DPYSL3: variants seen among roughly 807,000 people sequenced by gnomAD.
DPYSL3 encodes the protein dihydropyrimidinase-related protein 3.
DPYSL3 carries 16 observed loss-of-function variants against 66.1 expected under a neutral mutation model. That is an observed-to-expected ratio of 0.24 (90% CI 0.16 to 0.37). The LOEUF (loss-of-function observed/expected upper bound fraction) is 0.37, where lower values mean the gene tolerates loss of function less well. Ranked by LOEUF, DPYSL3 falls within the 10% of genes least tolerant of loss-of-function variation. The pLI is 1.00. For synonymous variants in DPYSL3, 338 were observed against 345.1 expected (o/e 0.98, Z 0.23); for missense variants, 738 against 916.2 (o/e 0.81, Z 2.51).
intron 1 of DPYSL3, among the ~76,000 whole-genome samples, chr5:147,477,037 C>T (rs923764039): frequency 3.3e-5 from 5 of 152,038 alleles, no homozygotes; most frequent in Non-Finnish European, 1.5e-5. Context: ...ACAATAAGTA[C>T]CCCCCAGTTC....
chr5:147,455,116 T>C lies in DPYSL3; in HGVS notation c.382-30153A>G, dbSNP rs1476636133. On this transcript the variant is annotated intron_variant, in intron 1 of 13. Coordinates refer to ENST00000343218, the MANE Select transcript of DPYSL3 (RefSeq NM_001197294.2). ...ACGTTTCCATAAGGCAGCCCACTGA[T>C]GGCAATTCTAGACATCTTGTCATTA... Among the ~76,000 whole-genome samples, 3 of 152,232 alleles carry C rather than the reference T, an allele frequency of 2.0e-5. No homozygotes were observed. In the East Asian group the frequency reaches 5.8e-4, roughly 29 times the overall value.
chr5:147,395,581 A>C lies in DPYSL3; in HGVS notation c.1944T>G (p.His648Gln), dbSNP rs768165929. The C allele has an allele frequency of 6.2e-7, 1 of 1,613,516 alleles. No individual in the cohort carries two copies. Among genetic ancestry groups the C allele is most frequent in the Non-Finnish European group, 8.5e-7 (1 of 1,179,820 alleles). The change falls in exon 13 of 14, where the codon CAT (histidine) becomes CAG (glutamine). Residue 648 changes from histidine (H) to glutamine (Q), a missense_variant. Physicochemically the swap from His to Gln is conservative, Grantham distance 24. Coordinates refer to ENST00000343218, the MANE Select transcript of DPYSL3 (RefSeq NM_001197294.2). ...CACCTGACAGGCTAAATCCCGACTGATGAAGATTCCTCACAGGTGGGTTCG... is the reference window on the plus strand; with the variant it reads ...CACCTGACAGGCTAAATCCCGACTGCTGAAGATTCCTCACAGGTGGGTTCG... ...TRPNPPVRNLHQSGFSLSGTQ... is the reference protein window; with the variant it reads ...TRPNPPVRNLQQSGFSLSGTQ...
intron 2 of DPYSL3, among the ~76,000 whole-genome samples, chr5:147,423,349 T>G (rs1251266128): frequency 6.6e-6 from 1 of 152,220 alleles, no homozygotes; most frequent in Non-Finnish European, 1.5e-5. Context: ...ACTCACTCAT[T>G]CATTCAATGT....
At chr5:147,434,700 T>C (rs368634231) in intron 1 of DPYSL3, among the ~76,000 whole-genome samples, 3 of 126,428 alleles carry the variant, frequency 2.4e-5, no homozygotes, top group African/African-American at 3.1e-5. Flanking sequence ...AGTAAAACTA[T>C]AGAAAGACAG....
At chr5:147,462,301 T>C (rs1349060497) in intron 1 of DPYSL3, among the ~76,000 whole-genome samples, 3 of 152,176 alleles carry the variant, frequency 2.0e-5, no homozygotes, top group Non-Finnish European at 4.4e-5. Flanking sequence ...GCTATGTTAA[T>C]TATCCTTTCC....
intron 4 of DPYSL3, 47 bp downstream of exon 4, chr5:147,415,662 G>T: frequency 1.3e-6 from 2 of 1,592,836 alleles, no homozygotes; most frequent in Middle Eastern, 1.8e-4. Flanking sequence ...GGAAGGACTG[G>T]CAAGAAGAAG....
At chr5:147,489,857 T>C (rs1468192640) in intron 1 of DPYSL3, among the ~76,000 whole-genome samples, 3 of 152,064 alleles carry the variant, frequency 2.0e-5, no homozygotes, top group Non-Finnish European at 2.9e-5. Context: ...TGGATACAAT[T>C]TTCATTATTT....
chr5:147,493,658 T>G (rs1013089527), intron 1 of DPYSL3, among the ~76,000 whole-genome samples: 2 of 152,102 alleles, frequency 1.3e-5, no homozygotes, highest in South Asian at 4.2e-4. Flanking sequence ...TTAATAAGAT[T>G]AATAAAGACA....
chr5:147,448,287 A>G (rs1477568031), intron 1 of DPYSL3, among the ~76,000 whole-genome samples: 1 of 152,188 alleles, frequency 6.6e-6, no homozygotes, highest in Non-Finnish European at 1.5e-5. Context: ...AATGCCCTCT[A>G]TTCAGGTTAA....
chr5:147,441,340 C>A (rs571669701), intron 1 of DPYSL3, among the ~76,000 whole-genome samples: 1 of 152,282 alleles, frequency 6.6e-6, no homozygotes, highest in Non-Finnish European at 1.5e-5. Flanking sequence ...AGATCAAACT[C>A]CCCTAATCCT....
intron 7 of DPYSL3, 117 bp from the exon 8 acceptor site, chr5:147,405,847 G>T: frequency 7.2e-7 from 1 of 1,389,022 alleles, no homozygotes; most frequent in Non-Finnish European, 9.7e-7. Flanking sequence ...AATTTTGGCA[G>T]GATCTGGAAT....
chr5:147,476,407 A>G (rs570593234), intron 1 of DPYSL3, among the ~76,000 whole-genome samples: 3 of 152,308 alleles, frequency 2.0e-5, no homozygotes, highest in South Asian at 2.1e-4. Flanking sequence ...AGTTCTTCCA[A>G]TGCAAAATAT....
At chr5:147,425,927 G>C (rs1752187455) in intron 1 of DPYSL3, among the ~76,000 whole-genome samples, 1 of 151,980 alleles carries the variant, frequency 6.6e-6, no homozygotes, top group Non-Finnish European at 1.5e-5. Flanking sequence ...GCTGAGTGTA[G>C]CTACAGCATG....
chr5:147,492,052 G>A (rs1244166386), intron 1 of DPYSL3, among the ~76,000 whole-genome samples: 2 of 151,936 alleles, frequency 1.3e-5, no homozygotes, highest in African/African-American at 4.8e-5. Context: ...AAGCCATAGG[G>A]GGGGAAATAC....
chr5:147,508,448 C>A (rs999232640), intron 1 of DPYSL3, among the ~76,000 whole-genome samples: 3 of 152,186 alleles, frequency 2.0e-5, no homozygotes, highest in Non-Finnish European at 4.4e-5. Flanking sequence ...ATAATACATG[C>A]GGATGGATTT....
At chr5:147,394,695 G>T (rs1487356460) in intron 13 of DPYSL3, among the ~76,000 whole-genome samples, 1 of 150,902 alleles carries the variant, frequency 6.6e-6, no homozygotes, top group Non-Finnish European at 1.5e-5. Flanking sequence ...AAAAAAAAAG[G>T]CAAAAACTTT....
At chr5:147,495,142 G>A (rs1000858603) in intron 1 of DPYSL3, among the ~76,000 whole-genome samples, 1 of 152,148 alleles carries the variant, frequency 6.6e-6, no homozygotes, top group African/African-American at 2.4e-5. Context: ...AGTAAATTAT[G>A]CCGATTCTCT....
In DPYSL3 at chr5:147,443,857, T is replaced by C. The variant is rs909354988; in HGVS notation, c.382-18894A>G. 2.6e-5 allele frequency among the ~76,000 whole-genome samples: 4 copies of C among 152,074 alleles called. No individual in the cohort carries two copies. The South Asian group carries it at 8.3e-4, about 31-fold the overall frequency. The stretch of plus-strand genomic sequence containing the variant: ...GAATCTCCCTGGCAAGTTGTTTGTG[T>C]AAGTATAACAGTGTGGAGCAGCTTT... On this transcript the variant is annotated intron_variant, in intron 1 of 13. Coordinates refer to ENST00000343218, the MANE Select transcript of DPYSL3 (RefSeq NM_001197294.2).
At chr5:147,395,029 T>C (rs3805535) in intron 13 of DPYSL3, among the ~76,000 whole-genome samples, 30,808 of 152,168 alleles carry the variant, frequency 0.2, 3,542 homozygotes, top group African/African-American at 0.3. Context: ...TCGTAAAGAA[T>C]AGGTAAGACT....
Sources: gnomAD v4.1 joint callset for allele counts (sites outside exome capture counted in the v4.1 genomes callset) on GRCh38, gnomAD v4.1.1 for gene constraint, MANE v1.5 for transcripts, NCBI Gene and HGNC (gene_info 2026-07-23, HGNC 2026-07-21) for gene names.